MAGI2: variants seen among roughly 807,000 people sequenced by gnomAD.
The protein encoded by MAGI2 is membrane-associated guanylate kinase, WW and PDZ domain-containing protein 2.
In MAGI2, 35 loss-of-function variants were observed where a neutral mutation model predicts 133.3. The observed-to-expected ratio is 0.26, with a 90% CI of 0.20 to 0.35. MAGI2 has a LOEUF of 0.35. MAGI2 is among the 10% of genes least tolerant of loss of function. The pLI is 1.00. For missense variants in MAGI2, 1,636 were observed against 1,863.4 expected, an observed-to-expected ratio of 0.88 and a Z score of 2.25; for synonymous variants, 729 against 710.6, an observed-to-expected ratio of 1.03 and a Z score of -0.41.
At chr7:78,682,672 G>T (rs531438184) in intron 2 of MAGI2, among the ~76,000 whole-genome samples, 78 of 152,252 alleles carry the variant, frequency 5.1e-4, no homozygotes, top group African/African-American at 1.9e-3. Context: ...GAGCAGTGCT[G>T]CAGTAAACAT....
chr7:78,314,917 A>C (rs754975950), intron 9 of MAGI2, among the ~76,000 whole-genome samples: 1 of 152,176 alleles, frequency 6.6e-6, no homozygotes, highest in Non-Finnish European at 1.5e-5. Flanking sequence ...CGGATATCAG[A>C]GTTAACTGTT....
At chr7:78,883,286 A>T (rs1007677934) in intron 2 of MAGI2, among the ~76,000 whole-genome samples, 2 of 152,090 alleles carry the variant, frequency 1.3e-5, no homozygotes, top group Non-Finnish European at 1.5e-5. Context: ...AACAAAACCA[A>T]ATAAACAAAA....
At chr7:78,719,094 T>C (rs1820006527) in intron 2 of MAGI2, among the ~76,000 whole-genome samples, 1 of 152,202 alleles carries the variant, frequency 6.6e-6, no homozygotes, top group South Asian at 2.1e-4. Context: ...TAGATTTACC[T>C]GAAGAATTTC....
At chr7:78,742,125 TAAAG>T (rs1159575905) in intron 2 of MAGI2, among the ~76,000 whole-genome samples, 2 of 151,946 alleles carry the variant, frequency 1.3e-5, no homozygotes, top group African/African-American at 2.4e-5. Flanking sequence ...GTGCTCAAAA[TAAAG>T]AATGAATGAT....
chr7:78,591,165 C>A (rs1803960770), intron 3 of MAGI2, among the ~76,000 whole-genome samples: 1 of 152,118 alleles, frequency 6.6e-6, no homozygotes, highest in Non-Finnish European at 1.5e-5. Context: ...ACCATGAGAG[C>A]AGCACATAGG....
At chr7:78,641,230 G>A (rs961557523) in intron 2 of MAGI2, among the ~76,000 whole-genome samples, 2 of 152,044 alleles carry the variant, frequency 1.3e-5, no homozygotes, top group African/African-American at 4.8e-5. Flanking sequence ...GTGTAAGAAT[G>A]GACTAATATA....
At chr7:79,092,725 C>T (rs1166161421) in intron 1 of MAGI2, among the ~76,000 whole-genome samples, 1 of 152,136 alleles carries the variant, frequency 6.6e-6, no homozygotes, top group Non-Finnish European at 1.5e-5. Flanking sequence ...TATACAAATT[C>T]TCAGTGCATT....
intron 1 of MAGI2, among the ~76,000 whole-genome samples, chr7:79,124,083 G>T (rs925326726): frequency 1.3e-5 from 2 of 151,990 alleles, no homozygotes; most frequent in African/African-American, 4.8e-5. Context: ...GAGGGCATTT[G>T]TTACAATGAA....
chr7:79,168,883 A>AAGATAGATAGAT (rs1369123489), intron 1 of MAGI2, among the ~76,000 whole-genome samples: 2 of 98,288 alleles, frequency 2.0e-5, no homozygotes, highest in Non-Finnish European at 1.8e-5. Context: ...TTTCTTTCTA[A>AAGATAGATAGAT]AGATAGATAT....
chr7:79,230,662 G>C (rs942535192), intron 1 of MAGI2, among the ~76,000 whole-genome samples: 7 of 150,918 alleles, frequency 4.6e-5, no homozygotes, highest in Non-Finnish European at 7.4e-5. Flanking sequence ...TTGTAAATTT[G>C]TTTGAGTTCA....
intron 6 of MAGI2, among the ~76,000 whole-genome samples, chr7:78,423,343 TG>T (rs1362331900): frequency 1.3e-5 from 2 of 152,220 alleles, no homozygotes; most frequent in Non-Finnish European, 2.9e-5. Context: ...ACCATGATTG[TG>T]AGGCTTCCCC....
intron 10 of MAGI2, among the ~76,000 whole-genome samples, chr7:78,209,243 AAAGAC>A (rs1307587831): frequency 8.2e-6 from 1 of 121,688 alleles, no homozygotes; most frequent in African/African-American, 2.9e-5. Context: ...AAAAAAAAAA[AAAGAC>A]AGGAACCTAA....
intron 4 of MAGI2, among the ~76,000 whole-genome samples, chr7:78,505,910 G>A (rs1398622336): frequency 1.0e-4 from 7 of 68,192 alleles, no homozygotes; most frequent in Non-Finnish European, 1.9e-4. Context: ...ATGAGGGCTG[G>A]ATTAAGTGAG....
At chr7:78,272,771 T>C (rs1794709302) in intron 9 of MAGI2, among the ~76,000 whole-genome samples, 1 of 152,204 alleles carries the variant, frequency 6.6e-6, no homozygotes, top group Non-Finnish European at 1.5e-5. Context: ...ACCCCTGCTT[T>C]TTTTTGCTTT....
intron 1 of MAGI2, among the ~76,000 whole-genome samples, chr7:79,173,486 C>G (rs1326873016): frequency 2.0e-5 from 3 of 152,008 alleles, no homozygotes; most frequent in Non-Finnish European, 4.4e-5. Flanking sequence ...ACTCCACACC[C>G]AGCTTACTTT....
chr7:79,228,760 T>C lies in MAGI2; in HGVS notation c.302-221554A>G, dbSNP rs188253199. Among the ~76,000 whole-genome samples the C allele has an allele frequency of 5.3e-4, 80 of 152,300 alleles. No homozygotes were observed. The East Asian group carries it at 0.011, about 21-fold the overall frequency. On this transcript the variant is annotated intron_variant, in intron 1 of 21. Transcript: ENST00000354212. ...ACAAGAGAGTTAGTTGGTCACCCAG[T>C]TGAGCCCACATCAAAGCCTGAGAGG...
intron 3 of MAGI2, among the ~76,000 whole-genome samples, chr7:78,577,057 A>G (rs1802340890): frequency 6.6e-6 from 1 of 152,176 alleles, no homozygotes; most frequent in Non-Finnish European, 1.5e-5. Context: ...TGCACAGGAT[A>G]TTGCTTTCCT....
chr7:79,228,749 TG>T (rs1477810693), intron 1 of MAGI2, among the ~76,000 whole-genome samples: 2 of 152,204 alleles, frequency 1.3e-5, no homozygotes, highest in African/African-American at 4.8e-5. Flanking sequence ...GAGAGTTAGT[TG>T]GTCACCCAGT....
chr7:79,142,368 C>T (rs1053668040), intron 1 of MAGI2, among the ~76,000 whole-genome samples: 3 of 152,188 alleles, frequency 2.0e-5, no homozygotes, highest in African/African-American at 7.2e-5. Context: ...TCACATTAAA[C>T]ATAAATTTAT....
Sources: gnomAD v4.1 joint callset for allele counts (sites outside exome capture counted in the v4.1 genomes callset) on GRCh38, gnomAD v4.1.1 for gene constraint, MANE v1.5 for transcripts, NCBI Gene and HGNC (gene_info 2026-07-23, HGNC 2026-07-21) for gene names.